Variants in ARAP2 observed in about 807,000 individuals in gnomAD.
The protein encoded by ARAP2 is arf-GAP with Rho-GAP domain, ANK repeat and PH domain-containing protein 2.
ARAP2 carries 148 observed loss-of-function variants against 194.5 expected under a neutral mutation model. That is an observed-to-expected ratio of 0.76 (90% CI 0.67 to 0.87). The LOEUF (loss-of-function observed/expected upper bound fraction) is 0.87. Ranked by LOEUF, ARAP2 falls within the 40% of genes least tolerant of loss-of-function variation. ARAP2 has a pLI of 0.00. For missense variants in ARAP2, 2,128 were observed against 1,989.7 expected (o/e 1.07, Z -1.32); for synonymous variants, 695 against 683.5 (o/e 1.02, Z -0.26).
intron 31 of ARAP2, among the ~76,000 whole-genome samples, chr4:36,076,443 C>T (rs1728268085): frequency 6.6e-6 from 1 of 152,134 alleles, no homozygotes; most frequent in Non-Finnish European, 1.5e-5. Flanking sequence ...GTCACAACCT[C>T]ATTTAATTAC....
At chr4:36,110,022 T>C (rs1719483323) in intron 26 of ARAP2, among the ~76,000 whole-genome samples, 1 of 151,790 alleles carries the variant, frequency 6.6e-6, no homozygotes, top group Non-Finnish European at 1.5e-5. Context: ...TCACTAGATA[T>C]TATTATTCAT....
chr4:36,073,689 C>T lies in ARAP2; in HGVS notation c.4743G>A (p.Glu1581=), dbSNP rs752571676. The change falls in exon 32 of 33, where the codon GAG becomes GAA. Residue 1581 remains glutamate, a splice_region_variant and synonymous_variant. Transcript: ENST00000303965. ...GNATLARKNI[E]SARAELERLR... ...TAAAACAAACAAAATCCTAACCTAC[C>T]TCAATATTTTTCCGGGCCAAGGTTG... 7 of 1,610,088 alleles carry T rather than the reference C, an allele frequency of 4.3e-6. No individual in the cohort carries two copies. Among genetic ancestry groups the T allele is most frequent in the Non-Finnish European group, 5.9e-6 (7 of 1,177,622 alleles).
At chr4:36,007,195 C>T (rs1268335156) in intron 9 of ARAP2, 1 of 151,880 alleles carries the variant, frequency 6.6e-6, no homozygotes. Flanking sequence ...AATTGTGGCC[C>T]CCGAAATATA....
chr4:36,117,255 A>G (rs1485764829), intron 24 of ARAP2, 120 bp from the exon 25 acceptor site: 13 of 651,396 alleles, frequency 2.0e-5, no homozygotes, highest in Non-Finnish European at 2.9e-5. Context: ...CAATGAAACA[A>G]GCTCAATTCC....
chr4:36,202,718 T>C (rs1008983006), intron 6 of ARAP2, among the ~76,000 whole-genome samples: 1 of 152,154 alleles, frequency 6.6e-6, no homozygotes, highest in African/African-American at 2.4e-5. Flanking sequence ...AGCTTCCAGT[T>C]AAAAATCTCA....
At chr4:36,163,203 C>A (rs781272578) in intron 11 of ARAP2, among the ~76,000 whole-genome samples, 2 of 151,144 alleles carry the variant, frequency 1.3e-5, no homozygotes, top group Admixed American at 6.6e-5. Context: ...AGAATGTAAC[C>A]CAAGGGAACA....
chr4:36,071,775 G>A (rs933535444), intron 32 of ARAP2, among the ~76,000 whole-genome samples: 2 of 147,030 alleles, frequency 1.4e-5, no homozygotes, highest in Non-Finnish European at 3.0e-5. Flanking sequence ...ATGTATACAT[G>A]TGCCATGCTG....
At chr4:36,208,416 T>C (rs1235441062) in intron 6 of ARAP2, among the ~76,000 whole-genome samples, 1 of 152,214 alleles carries the variant, frequency 6.6e-6, no homozygotes, top group African/African-American at 2.4e-5. Flanking sequence ...ACAGAGACCA[T>C]TTGACTATAA....
At chr4:36,026,678 C>T (rs1717964297) in intron 5 of ARAP2, among the ~76,000 whole-genome samples, 1 of 152,180 alleles carries the variant, frequency 6.6e-6, no homozygotes, top group South Asian at 2.1e-4. Flanking sequence ...CAAGGGCTGG[C>T]AATCAAGAAC....
chr4:36,017,230 A>G (rs946117330), intron 6 of ARAP2, among the ~76,000 whole-genome samples: 8 of 151,984 alleles, frequency 5.3e-5, no homozygotes, highest in Non-Finnish European at 1.0e-4. Flanking sequence ...AATTAATGTT[A>G]ACACATTTTA....
chr4:36,235,047 C>T (rs576419497), intron 1 of ARAP2, among the ~76,000 whole-genome samples: 1 of 152,252 alleles, frequency 6.6e-6, no homozygotes, highest in Admixed American at 6.5e-5. Context: ...CAATAAACAG[C>T]ACCTTTTTAC....
At chr4:36,140,027 T>G (rs572263400) in intron 19 of ARAP2, among the ~76,000 whole-genome samples, 5 of 151,496 alleles carry the variant, frequency 3.3e-5, no homozygotes, top group African/African-American at 1.2e-4. Context: ...TATTTCCACC[T>G]CTTGGACTAC....
At chr4:36,079,751 G>A (rs1729083801) in intron 31 of ARAP2, among the ~76,000 whole-genome samples, 2 of 152,278 alleles carry the variant, frequency 1.3e-5, no homozygotes, top group South Asian at 4.1e-4. Flanking sequence ...AGGAATACAT[G>A]AGTTATTCTT....
rs753930591 is a variant in ARAP2 at position 36,147,703 on chromosome 4, T to C, written c.3044A>G (p.Tyr1015Cys). 1.3e-5 allele frequency: 21 copies of C among 1,612,278 alleles called. No homozygotes were observed. The highest frequency in any genetic ancestry group is 1.2e-4 in the South Asian group (11 of 90,634). The change falls in exon 18 of 33, where the codon TAT becomes TGT. Residue 1015 changes from tyrosine to cysteine, a missense_variant. Physicochemically the swap from Tyr to Cys is radical, Grantham distance 194 (BLOSUM62 -2). Transcript: ENST00000303965. ...GTAGAAGAGTTGACCAATCAAATCA[T>C]AGTCAGCTTCTGTTAAGTTTTCAGC... is the stretch of plus-strand genomic sequence containing the variant. ...LFAENLTEAD[Y>C]DLIGQLFYKD...
At chr4:36,086,539 G>T (rs1711899774) in intron 28 of ARAP2, among the ~76,000 whole-genome samples, 1 of 152,010 alleles carries the variant, frequency 6.6e-6, no homozygotes, top group South Asian at 2.1e-4. Context: ...TTCTATAAAA[G>T]GAAATGTCAT....
intron 15 of ARAP2, among the ~76,000 whole-genome samples, chr4:36,151,759 G>A (rs1410759822): frequency 6.6e-6 from 1 of 152,050 alleles, no homozygotes; most frequent in Non-Finnish European, 1.5e-5. Context: ...CATATAAAGT[G>A]TGAGATAAAT....
At chr4:36,173,286 T>C (rs1329457409) in intron 9 of ARAP2, among the ~76,000 whole-genome samples, 1 of 152,224 alleles carries the variant, frequency 6.6e-6, no homozygotes, top group Non-Finnish European at 1.5e-5. Flanking sequence ...TCCTTTCAAC[T>C]AGCAATACCA....
At chr4:36,149,964 T>C (rs910164409) in intron 16 of ARAP2, among the ~76,000 whole-genome samples, 6 of 152,198 alleles carry the variant, frequency 3.9e-5, no homozygotes, top group African/African-American at 1.4e-4. Flanking sequence ...TCAATGTTTT[T>C]CATTAATTAC....
At chr4:36,192,705 AC>A (rs1297647129) in intron 7 of ARAP2, among the ~76,000 whole-genome samples, 1 of 152,176 alleles carries the variant, frequency 6.6e-6, no homozygotes, top group Non-Finnish European at 1.5e-5. Flanking sequence ...AAAACAGAAA[AC>A]AGCTTTTAAG....
Sources: allele counts gnomAD v4.1 joint callset (sites outside exome capture counted in the v4.1 genomes callset), GRCh38; gene constraint gnomAD v4.1.1; transcripts MANE v1.5; gene names NCBI Gene and HGNC (gene_info 2026-07-23, HGNC 2026-07-21).